Variants in NOBOX observed in about 807,000 individuals in gnomAD.
NOBOX encodes homeobox protein NOBOX.
NOBOX carries 46 observed loss-of-function variants against 60.2 expected under a neutral mutation model. The observed-to-expected ratio is 0.76, with a 90% confidence interval of 0.60 to 0.98. The LOEUF is 0.98. Ranked by LOEUF, NOBOX falls within the 50% of genes least tolerant of loss-of-function variation. The pLI is 0.00. For synonymous variants in NOBOX, 360 were observed against 346.3 expected (o/e 1.04, Z -0.44); for missense variants, 880 against 865.5 (o/e 1.02, Z -0.21).
At chr7:144,402,761 T>TA in intron 2 of NOBOX, among the ~76,000 whole-genome samples, 1 of 141,970 alleles carries the variant, frequency 7.0e-6, no homozygotes, top group South Asian at 2.4e-4. Flanking sequence ...TTTTTTTTTT[T>TA]TTTTTTTTTT....
rs779027487 is a variant in NOBOX at position 144,398,933 on chromosome 7, C to T, written c.1469+17G>A. The T allele has an allele frequency of 7.9e-6, 11 of 1,400,358 alleles. No homozygotes were observed. The highest frequency in any genetic ancestry group is 1.2e-5 in the South Asian group (1 of 80,860). The allele number at this position is 1,400,358 out of a possible 1,614,324, so 86.7% of individuals were successfully genotyped here. A position where few individuals can be genotyped will look rare whatever the true frequency, so the allele number is the denominator to read the frequency against. ...CACCCAGATAACTAGAGTGACCTACCCCCGTAGGTTCCTTACCTTGTCCCC... is the reference window on the plus strand; with the variant it reads ...CACCCAGATAACTAGAGTGACCTACTCCCGTAGGTTCCTTACCTTGTCCCC... On this transcript the variant is annotated intron_variant, in intron 8 of 9. Transcript: ENST00000467773.
At chr7:144,403,449 G>T (rs531538611) in intron 2 of NOBOX, among the ~76,000 whole-genome samples, 2 of 151,932 alleles carry the variant, frequency 1.3e-5, no homozygotes, top group Non-Finnish European at 2.9e-5. Context: ...GGCAGGGGGC[G>T]CGGGGGAGCG....
Position 144,399,858 on chromosome 7 carries a change from C to CCA in NOBOX, c.1051_1052dup (p.Trp351CysfsTer16), listed in dbSNP as rs757065021. 6.2e-7 allele frequency: 1 copy of CCA among 1,610,802 alleles called. No homozygotes were observed. Among genetic ancestry groups the CCA allele is most frequent in the South Asian group, 1.1e-5 (1 of 90,740 alleles). ...GCCACTTGGCCCGGCGATTCTGGAACCACACCTATGGGGGGAAAGGTGCTT... is the reference window on the plus strand; with the variant it reads ...GCCACTTGGCCCGGCGATTCTGGAACCACACACCTATGGGGGGAAAGGTGCTT... On this transcript the variant is annotated frameshift_variant, in exon 6 of 10. Transcript: ENST00000467773. LOFTEE classifies it high-confidence loss of function.
intron 7 of NOBOX, 85 bp from the exon 6 acceptor site, chr7:144,399,263 G>GC: frequency 1.1e-6 from 1 of 938,252 alleles, no homozygotes. Flanking sequence ...CACAAGCCAT[G>GC]CCCAGGTCCC....
chr7:144,403,824 C>T (rs1346426589), intron 2 of NOBOX, 131 bp from the exon 1 acceptor site: 1 of 391,726 alleles, frequency 2.6e-6, no homozygotes, highest in Non-Finnish European at 4.6e-6. Flanking sequence ...GAGGCTGCGC[C>T]CCCTCACCCC....
rs561781819 is a variant in NOBOX, at chr7:144,399,230, G to T, written c.1241-52C>A. 3.5e-5 allele frequency: 35 copies of T among 1,007,764 alleles called. No homozygotes were observed. In the Admixed American group the frequency reaches 4.9e-4, roughly 14 times the overall value. 62.4% of individuals were successfully genotyped at this position (1,007,764 alleles called of 1,614,324 possible). A position where few individuals can be genotyped will look rare whatever the true frequency, so the allele number is the denominator to read the frequency against. On this transcript the variant is annotated intron_variant, in intron 7 of 9. Transcript: ENST00000467773. ...ATAACGGTAAGGAAATGGGAGGCAG[G>T]TTTGGCATCGCTGAATGGTAGACAC...
At position 144,401,883 on chromosome 7, in the gene NOBOX, C is replaced by G; in HGVS notation, c.278G>C (p.Arg93Thr). The G allele has an allele frequency of 1.2e-6, 2 of 1,609,570 alleles. No individual in the cohort carries two copies. Among genetic ancestry groups the G allele is most frequent in the Admixed American group, 3.3e-5 (2 of 59,988 alleles). ...GGGGTACTCACCCCTTGTGAGTTCCCTTTTCCCAGACACCAGGGGTATGAG... is the reference window on the plus strand; with the variant it reads ...GGGGTACTCACCCCTTGTGAGTTCCGTTTTCCCAGACACCAGGGGTATGAG... The change falls in exon 3 of 10, where the codon AGG (arginine) becomes ACG (threonine). Residue 93 changes from arginine to threonine, a missense_variant. By Grantham distance (71) the Arg-to-Thr change is moderately conservative (BLOSUM62 -1). Transcript: ENST00000467773. This position sits in a 1 kb window ranked among gnomAD's most constrained non-coding sequence, Gnocchi z 4.2.
At chr7:144,397,591 A>C in intron 9 of NOBOX, 50 bp from the exon 8 acceptor site, 1 of 1,403,580 alleles carries the variant, frequency 7.1e-7, no homozygotes. Flanking sequence ...GAGAGTATCA[A>C]CTATCATTAA....
downstream of NOBOX, chr7:144,397,199 A>T: frequency 6.0e-6 from 9 of 1,489,396 alleles, no homozygotes; most frequent in Non-Finnish European, 8.1e-6. Flanking sequence ...GCCCAATCCT[A>T]TCCCACCCAA....
Position 144,399,460 on chromosome 7 carries a change from C to G in NOBOX, c.1177G>C (p.Ala393Pro). ...TCAGGCTTTGGCTCCATGGGCACAG[C>G]AGGTAGGATCTCAGCTGCAGAGCTG... Residue 393 changes from alanine to proline, a missense_variant, in exon 7 of 10, where the codon GCT (alanine) becomes CCT (proline). Ala to Pro is a conservative substitution (Grantham distance 27). Transcript: ENST00000467773. The G allele has an allele frequency of 6.3e-7, 1 of 1,582,976 alleles. No individual in the cohort carries two copies. The highest frequency in any genetic ancestry group is 8.6e-7 in the Non-Finnish European group (1 of 1,164,232).
chr7:144,408,337 A>C (rs1039042846), intron 1 of NOBOX, among the ~76,000 whole-genome samples: 2 of 151,968 alleles, frequency 1.3e-5, no homozygotes, highest in African/African-American at 4.8e-5. Flanking sequence ...CCACAGCCAG[A>C]ATTAACTGCC....
At chr7:144,403,471 T>C (rs2053957933) in intron 2 of NOBOX, among the ~76,000 whole-genome samples, 186 bp downstream of exon 1, 1 of 151,222 alleles carries the variant, frequency 6.6e-6, no homozygotes, top group Admixed American at 6.6e-5. Flanking sequence ...GGAGGGGGGT[T>C]GCAATCCCAA....
chr7:144,405,090 T>C (rs890395363), intron 1 of NOBOX, among the ~76,000 whole-genome samples: 1 of 152,214 alleles, frequency 6.6e-6, no homozygotes, highest in African/African-American at 2.4e-5. Context: ...CTTTGGAGGA[T>C]TGTGAGACCT....
intron 1 of NOBOX, chr7:144,410,099 G>A (rs1563133001): frequency 8.1e-7 from 1 of 1,231,636 alleles, no homozygotes; most frequent in Non-Finnish European, 1.2e-6. Context: ...TGTTCAGAGT[G>A]TGGTGCTCAC....
At chr7:144,408,148 T>C (rs962523653) in intron 1 of NOBOX, among the ~76,000 whole-genome samples, 7 of 151,718 alleles carry the variant, frequency 4.6e-5, no homozygotes, top group Non-Finnish European at 7.4e-5. Context: ...TCTCCCCCAC[T>C]CTTCCAGGTT....
Position 144,409,994 on chromosome 7 carries a change from T to C in NOBOX, c.85+149A>G, listed in dbSNP as rs140574506. The C allele has an allele frequency of 5.6e-4, 302 of 543,388 alleles. 1 individual carries two copies. The highest frequency in any genetic ancestry group is 4.3e-3 in the Middle Eastern group (9 of 2,102). The allele number at this position is 543,388 out of a possible 1,614,324, so 33.7% of individuals were successfully genotyped here. ...TGTACCAGTTCTGCTGGTGGCTTGA[T>C]AGATTTTTCCAATGTTTGAGTCTAG... On this transcript the variant is annotated intron_variant, in intron 1 of 9. Coordinates refer to ENST00000467773, the MANE Select transcript of NOBOX (RefSeq NM_001080413.3).
At chr7:144,408,379 A>T (rs2054000154) in intron 1 of NOBOX, among the ~76,000 whole-genome samples, 1 of 151,912 alleles carries the variant, frequency 6.6e-6, no homozygotes, top group Non-Finnish European at 1.5e-5. Context: ...TACTGTGTTT[A>T]CATGTATATT....
At chr7:144,404,178 G>A (rs1415425577) in intron 2 of NOBOX, among the ~76,000 whole-genome samples, 1 of 152,202 alleles carries the variant, frequency 6.6e-6, no homozygotes, top group African/African-American at 2.4e-5. Context: ...GAAGCGCTGG[G>A]TTGCCCAACT....
In NOBOX at chr7:144,404,591, G is replaced by A. The variant is rs766314965; in HGVS notation, c.175C>T (p.Arg59Trp). ...GTCTCCAGAGCACAAAGGCTGCACCGGATGATGAAGAAGGAGCTGAAAGAG... is the reference window on the plus strand; with the variant it reads ...GTCTCCAGAGCACAAAGGCTGCACCAGATGATGAAGAAGGAGCTGAAAGAG... Residue 59 changes from arginine (R) to tryptophan (W), a missense_variant, in exon 2 of 10, where the codon CGG (arginine) becomes TGG (tryptophan). By Grantham distance (101) the Arg-to-Trp change is moderately radical. Transcript: ENST00000467773. The A allele has an allele frequency of 1.2e-6, 2 of 1,613,922 alleles. No homozygotes were observed. Among genetic ancestry groups the A allele is most frequent in the Non-Finnish European group, 1.7e-6 (2 of 1,179,852 alleles).
Sources: gnomAD v4.1 joint callset for allele counts (sites outside exome capture counted in the v4.1 genomes callset) on GRCh38, gnomAD v4.1.1 for gene constraint, Gnocchi (gnomAD v3.1) non-coding constraint, MANE v1.5 for transcripts, NCBI Gene and HGNC (gene_info 2026-07-23, HGNC 2026-07-21) for gene names.